The following PPP1R12C variants were observed in gnomAD, a reference collection of about 807,000 sequenced individuals.
PPP1R12C encodes the protein leukocyte receptor cluster (LRC) encoded novel gene 3.
Under a neutral mutation model 95.6 loss-of-function variants are expected in PPP1R12C, and 48 were observed. The observed-to-expected ratio is 0.50, with a 90% confidence interval of 0.40 to 0.64. The LOEUF is 0.64. Among genes scored for constraint, PPP1R12C ranks in the 30% least tolerant of loss-of-function variants. The pLI is 0.00. For synonymous variants in PPP1R12C, 480 were observed against 460.8 expected (o/e 1.04, Z -0.53); for missense variants, 1,057 against 1,083.3 (o/e 0.98, Z 0.34).
intron 11 of PPP1R12C, chr19:55,095,004 C>A: frequency 1.4e-6 from 1 of 714,388 alleles, no homozygotes; most frequent in South Asian, 1.8e-5. Flanking sequence ...ACAGAAGCAG[C>A]AGTGCGAGAA....
In PPP1R12C at chr19:55,112,759, A is replaced by C; in HGVS notation, c.358T>G (p.Leu120Val). 6.2e-7 allele frequency: 1 copy of C among 1,613,526 alleles called. No individual in the cohort carries two copies. The highest frequency in any genetic ancestry group is 1.6e-4 in the Middle Eastern group (1 of 6,062). The change falls in exon 2 of 22, where the codon TTG becomes GTG. Residue 120 changes from leucine (L) to valine (V), a missense_variant. Leu to Val is a conservative substitution (Grantham distance 32). This residue lies in a region of PPP1R12C where 282 missense variants were observed against 380.4 expected (regional missense o/e 0.74). Coordinates refer to ENST00000263433, the MANE Select transcript of PPP1R12C (RefSeq NM_017607.4). Reference sequence around the variant, plus strand: ...TTCACAGTGGCGCCCTGCTCCACCAAGAAGCGCACCACCTCCAGGTTCTCA... The same window carrying C: ...TTCACAGTGGCGCCCTGCTCCACCACGAAGCGCACCACCTCCAGGTTCTCA... ...IDENLEVVRF[L>V]VEQGATVNQA...
chr19:55,108,337 G>A (rs1182474758), intron 3 of PPP1R12C, among the ~76,000 whole-genome samples: 2 of 151,980 alleles, frequency 1.3e-5, no homozygotes, highest in East Asian at 1.9e-4. Flanking sequence ...AATTAAAATC[G>A]TGTACCCTAG....
intron 13 of PPP1R12C, 90 bp from the exon 14 acceptor site, chr19:55,093,323 C>T: frequency 3.1e-6 from 1 of 318,400 alleles, no homozygotes. Context: ...CCAGCCCCTC[C>T]TCCCTCAGAC....
At chr19:55,096,406 A>AGCTGTGCAGGAGCTC in intron 6 of PPP1R12C, 71 bp from the exon 7 acceptor site, 1 of 1,535,808 alleles carries the variant, frequency 6.5e-7, no homozygotes. Flanking sequence ...CACCACAAAC[A>AGCTGTGCAGGAGCTC]GCTGTGCAGG....
intron 6 of PPP1R12C, chr19:55,097,195 C>A (rs1289160755): frequency 5.5e-6 from 1 of 182,536 alleles, no homozygotes; most frequent in Non-Finnish European, 9.8e-6. Context: ...TTCACCCCTT[C>A]TCCGCGCAGT....
intron 3 of PPP1R12C, among the ~76,000 whole-genome samples, chr19:55,107,465 A>G (rs1333719739): frequency 6.6e-6 from 1 of 152,158 alleles, no homozygotes; most frequent in African/African-American, 2.4e-5. Flanking sequence ...ATGTCCATCA[A>G]TGATAGACTG....
At chr19:55,094,531 GA>G in intron 12 of PPP1R12C, 96 bp from the exon 13 acceptor site, 2 of 1,580,108 alleles carry the variant, frequency 1.3e-6, no homozygotes, top group African/African-American at 1.3e-5. Flanking sequence ...TGTGGGAGGG[GA>G]CTCCAACTCC....
rs767735612 is a variant in PPP1R12C, at chr19:55,092,365, G to A, written c.2056-39C>T. 4.3e-5 allele frequency: 68 copies of A among 1,570,450 alleles called. No homozygotes were observed. The South Asian group carries it at 6.4e-4, about 15-fold the overall frequency. On this transcript the variant is annotated intron_variant, in intron 18 of 21. Transcript: ENST00000263433. Reference sequence around the variant, plus strand: ...AGAGGAGGGTCAGGTGGAGGATGGGGCGATGCTGGGGGGGCGGGGAAGCCA... The same window carrying A: ...AGAGGAGGGTCAGGTGGAGGATGGGACGATGCTGGGGGGGCGGGGAAGCCA...
At chr19:55,092,581 C>T (rs369989254) in intron 17 of PPP1R12C, 37 bp from the exon 18 acceptor site, 7 of 1,560,300 alleles carry the variant, frequency 4.5e-6, no homozygotes, top group East Asian at 2.4e-5. Flanking sequence ...GGGGCCGGCC[C>T]GGCCCGCACG....
chr19:55,095,852 A>T lies in PPP1R12C; in HGVS notation c.1227+15T>A. The stretch of plus-strand genomic sequence containing the variant: ...CCCTCCCAGCCTCACAGGACCTCTC[A>T]GGGCATCCACTCACCACGGGACTCT... On this transcript the variant is annotated intron_variant, in intron 9 of 21. Coordinates refer to ENST00000263433, the MANE Select transcript of PPP1R12C (RefSeq NM_017607.4). 2 of 1,612,846 alleles carry T rather than the reference A, an allele frequency of 1.2e-6. No individual in the cohort carries two copies. Among genetic ancestry groups the T allele is most frequent in the African/African-American group, 1.3e-5 (1 of 75,010 alleles).
At position 55,091,750 on chromosome 19, in the gene PPP1R12C, G is replaced by A. The variant is rs774728551; in HGVS notation, c.2212-50C>T. On this transcript the variant is annotated intron_variant, in intron 20 of 21. Coordinates refer to ENST00000263433, the MANE Select transcript of PPP1R12C (RefSeq NM_017607.4). ...AAACTGAGTGAGGCTGAGGAGGGCA[G>A]GGGAAGGCCAGGGGCCAGCTGGGAA... The A allele has an allele frequency of 1.5e-4, 242 of 1,613,082 alleles. 1 individual carries two copies. Among genetic ancestry groups the A allele is most frequent in the Non-Finnish European group, 1.8e-4 (218 of 1,179,660 alleles).
Position 55,099,064 on chromosome 19 carries a change from G to A in PPP1R12C, c.763C>T (p.Leu255Phe). ...GGAGTCCAGCCGTCCCCGTCCCGGA[G>A]CTCTGGGTCGTAGCCAGCCTGAAGG... ...LLLQAGYDPE[L>F]RDGDGWTPLH... is the part of the protein sequence containing the mutation. Residue 255 changes from leucine (L) to phenylalanine (F), a missense_variant, in exon 5 of 22, where the codon CTC becomes TTC. By Grantham distance (22) the Leu-to-Phe change is conservative. Coordinates refer to ENST00000263433, the MANE Select transcript of PPP1R12C (RefSeq NM_017607.4). The A allele has an allele frequency of 6.4e-7, 1 of 1,551,936 alleles. No homozygotes were observed. Among genetic ancestry groups the A allele is most frequent in the Admixed American group, 2.0e-5 (1 of 51,058 alleles).
At chr19:55,097,960 C>G (rs1327455479) in intron 6 of PPP1R12C, among the ~76,000 whole-genome samples, 1 of 152,162 alleles carries the variant, frequency 6.6e-6, no homozygotes, top group Non-Finnish European at 1.5e-5. Context: ...TCCCTGGGCA[C>G]CTCAGGGCAC....
intron 4 of PPP1R12C, among the ~76,000 whole-genome samples, chr19:55,100,562 A>G (rs1350778151): frequency 6.6e-6 from 1 of 152,262 alleles, no homozygotes; most frequent in Non-Finnish European, 1.5e-5. Context: ...AATGAGTATC[A>G]TCAAATAAAC....
At chr19:55,098,891 A>C (rs199733974) in intron 5 of PPP1R12C, 33 bp from the exon 6 acceptor site, 1 of 1,612,612 alleles carries the variant, frequency 6.2e-7, no homozygotes, top group Admixed American at 1.7e-5. Context: ...TCAGACAATG[A>C]AGGAGGTGCT....
rs770570013 is a variant in PPP1R12C, at chr19:55,096,382, C to G, written c.952-47G>C. On this transcript the variant is annotated intron_variant, in intron 6 of 21. Transcript: ENST00000263433. ...GCAGGGGAGGGGTGGAGCACACGTG[C>G]CCCACAGCAACACCACCACAAACAG... 1.9e-6 allele frequency: 3 copies of G among 1,584,482 alleles called. No individual in the cohort carries two copies. In the Admixed American group the frequency reaches 5.0e-5, roughly 26 times the overall value.
chr19:55,096,199 G>A (rs1051317207), intron 7 of PPP1R12C, 21 bp from the exon 8 acceptor site: 7 of 1,611,620 alleles, frequency 4.3e-6, no homozygotes, highest in Non-Finnish European at 5.9e-6. Flanking sequence ...AGGAGAGGGT[G>A]CTGGGGTACA....
chr19:55,095,843 G>C (rs781552959), intron 9 of PPP1R12C, 24 bp downstream of exon 9: 1 of 1,611,240 alleles, frequency 6.2e-7, no homozygotes, highest in South Asian at 1.1e-5. Context: ...CAGCCTCACA[G>C]GACCTCTCAG....
At chr19:55,113,779 T>G (rs2085124294) in intron 1 of PPP1R12C, 1 of 306,330 alleles carries the variant, frequency 3.3e-6, no homozygotes, top group Non-Finnish European at 5.9e-6. Flanking sequence ...GGGAACGGGA[T>G]GAACTCGGCT....
Sources: gnomAD v4.1 joint callset for allele counts (sites outside exome capture counted in the v4.1 genomes callset) on GRCh38, gnomAD v4.1.1 for gene constraint, gnomAD v4.1.1 regional missense constraint, MANE v1.5 for transcripts, NCBI Gene and HGNC (gene_info 2026-07-23, HGNC 2026-07-21) for gene names.